Variants in ATG16L1 observed in about 807,000 individuals in gnomAD.
ATG16L1 encodes autophagy-related protein 16-1.
A neutral mutation model predicts 88.5 loss-of-function variants in ATG16L1; 37 were observed. The ratio of observed to expected loss-of-function variants is 0.42; its 90% CI spans 0.32 to 0.55. ATG16L1 has a LOEUF of 0.55. ATG16L1 is among the 20% of genes least tolerant of loss of function. The pLI is 0.13. For missense variants in ATG16L1, 554 were observed against 752.8 expected, an observed-to-expected ratio of 0.74 and a Z score of 3.09; for synonymous variants, 301 against 281.0, an observed-to-expected ratio of 1.07 and a Z score of -0.71.
Position 233,273,793 on chromosome 2 carries a change from T to A in ATG16L1, c.851+16T>A, listed in dbSNP as rs1241400542. On this transcript the variant is annotated intron_variant, in intron 8 of 17. Coordinates refer to ENST00000392017, the MANE Select transcript of ATG16L1 (RefSeq NM_030803.7). ...ATATCTTTGGGTAGGTTAGAAGACC[T>A]TTCCTTTTTAAATGTGTATAAGTAT... 6.2e-7 allele frequency: 1 copy of A among 1,612,316 alleles called. No individual in the cohort carries two copies. The highest frequency in any genetic ancestry group is 2.2e-5 in the East Asian group (1 of 44,898).
intron 5 of ATG16L1, 24 bp from the exon 6 acceptor site, chr2:233,269,978 C>A: frequency 6.8e-7 from 1 of 1,471,794 alleles, no homozygotes; most frequent in Admixed American, 2.4e-5. Flanking sequence ...AAATGGTGGG[C>A]TTTTTTTTTT....
At chr2:233,282,596 A>G (rs1698791202) in intron 11 of ATG16L1, 86 bp from the exon 12 acceptor site, 6 of 1,202,900 alleles carry the variant, frequency 5.0e-6, no homozygotes, top group Admixed American at 1.7e-5. Context: ...ACCTTCTTGT[A>G]CTTGATTATT....
chr2:233,274,641 T>G, intron 8 of ATG16L1, 35 bp from the exon 9 acceptor site: 1 of 1,533,138 alleles, frequency 6.5e-7, no homozygotes, highest in Non-Finnish European at 9.0e-7. Flanking sequence ...ACCTCTGCAA[T>G]CCTGTCTAAT....
intron 14 of ATG16L1, among the ~76,000 whole-genome samples, chr2:233,291,526 G>A (rs1699458893): frequency 6.6e-6 from 1 of 152,170 alleles, no homozygotes; most frequent in Non-Finnish European, 1.5e-5. Context: ...TCACAGAACA[G>A]GTCAGCACCC....
intron 12 of ATG16L1, among the ~76,000 whole-genome samples, chr2:233,286,890 G>A (rs184462357): frequency 2.0e-4 from 30 of 152,050 alleles, no homozygotes; most frequent in Middle Eastern, 3.4e-3. Context: ...CTCCCAAAGT[G>A]CTGGGATTAC....
At chr2:233,290,660 G>T (rs190837296) in intron 14 of ATG16L1, among the ~76,000 whole-genome samples, 9 of 152,274 alleles carry the variant, frequency 5.9e-5, no homozygotes, top group African/African-American at 2.2e-4. Flanking sequence ...GCAAAAGTCA[G>T]TGACTAGTGT....
chr2:233,290,199 A>G, intron 13 of ATG16L1, 49 bp from the exon 14 acceptor site: 1 of 1,581,454 alleles, frequency 6.3e-7, no homozygotes, highest in Non-Finnish European at 8.7e-7. Flanking sequence ...TTATGTAAAC[A>G]GCCACGTTGG....
chr2:233,284,305 G>T (rs1005385643), intron 12 of ATG16L1, among the ~76,000 whole-genome samples: 4 of 151,576 alleles, frequency 2.6e-5, no homozygotes, highest in African/African-American at 9.7e-5. Context: ...CCTCCACCAC[G>T]CCCGGCTAAT....
intron 16 of ATG16L1, 114 bp downstream of exon 16, chr2:233,292,548 A>C: frequency 1.5e-6 from 2 of 1,307,214 alleles, no homozygotes; most frequent in South Asian, 2.5e-5. Context: ...CTATGTTTCC[A>C]GGAGTGTGCC....
At position 233,270,151 on chromosome 2, in the gene ATG16L1, G is replaced by C; in HGVS notation, c.707+84G>C. 2.2e-6 allele frequency: 3 copies of C among 1,342,368 alleles called. No homozygotes were observed. The East Asian group carries it at 7.6e-5, about 34-fold the overall frequency. The allele number at this position is 1,342,368 out of a possible 1,614,324, so 83.2% of individuals were successfully genotyped here. On this transcript the variant is annotated intron_variant, in intron 6 of 17. Transcript: ENST00000392017. ...TTTGTTTTTATTTTTTTTTTTGTTT[G>C]GTTTTTTTTGAGACAGGGTCTTGCT...
intron 2 of ATG16L1, among the ~76,000 whole-genome samples, chr2:233,257,820 G>A (rs1459832019): frequency 2.0e-5 from 3 of 151,970 alleles, no homozygotes; most frequent in African/African-American, 7.3e-5. Flanking sequence ...GCCTGGCCCT[G>A]ATGGTGAAAC....
chr2:233,286,621 CTTTTTTTT>C (rs10676895), intron 12 of ATG16L1, among the ~76,000 whole-genome samples: 2 of 93,290 alleles, frequency 2.1e-5, no homozygotes, highest in Non-Finnish European at 4.0e-5. Flanking sequence ...GAAGCCCAAA[CTTTTTTTT>C]TTTTTTTTTT....
At chr2:233,259,202 G>C (rs1005975806) in intron 2 of ATG16L1, among the ~76,000 whole-genome samples, 7 of 152,172 alleles carry the variant, frequency 4.6e-5, no homozygotes, top group African/African-American at 1.7e-4. Flanking sequence ...GTGGTCTAAA[G>C]TGTGGGAAGA....
chr2:233,252,548 A>G (rs1696451959), intron 1 of ATG16L1, among the ~76,000 whole-genome samples: 1 of 151,926 alleles, frequency 6.6e-6, no homozygotes. Flanking sequence ...ACGGTCGGCT[A>G]ATTTTTTTAA....
intron 2 of ATG16L1, among the ~76,000 whole-genome samples, chr2:233,258,159 C>CT (rs1696949725): frequency 2.6e-5 from 4 of 151,848 alleles, no homozygotes; most frequent in African/African-American, 9.7e-5. Context: ...TATTTGAAGT[C>CT]TTATTATCCT....
chr2:233,273,447 G>A, intron 7 of ATG16L1: 1 of 522,456 alleles, frequency 1.9e-6, no homozygotes. Context: ...TAGTTAGCCA[G>A]GAATTGTGAG....
chr2:233,267,360 G>A (rs1315040047), intron 5 of ATG16L1, among the ~76,000 whole-genome samples: 1 of 152,192 alleles, frequency 6.6e-6, no homozygotes, highest in Middle Eastern at 3.4e-3. Context: ...AAAGCAAAAC[G>A]AAAAGAATAC....
At position 233,294,360 on chromosome 2, in the gene ATG16L1, C is replaced by T. The variant is rs761543490; in HGVS notation, c.*10C>T. Reference sequence around the variant, plus strand: ...GTGGGCACAGTACTGACGGGGCTCTCAGGGCTGGGAGGACCCCAGTGCCCT... The same window carrying T: ...GTGGGCACAGTACTGACGGGGCTCTTAGGGCTGGGAGGACCCCAGTGCCCT... On this transcript the variant is annotated 3_prime_UTR_variant, in exon 18 of 18. Transcript: ENST00000392017. 6.8e-6 allele frequency: 11 copies of T among 1,611,898 alleles called. No homozygotes were observed. The East Asian group carries it at 2.2e-4, about 33-fold the overall frequency.
chr2:233,253,831 A>C (rs1417123912), intron 1 of ATG16L1, among the ~76,000 whole-genome samples: 1 of 152,244 alleles, frequency 6.6e-6, no homozygotes, highest in Non-Finnish European at 1.5e-5. Flanking sequence ...CCAGAAGCAC[A>C]AGAAGTCCCT....
Sources: allele counts gnomAD v4.1 joint callset (sites outside exome capture counted in the v4.1 genomes callset), GRCh38; gene constraint gnomAD v4.1.1; transcripts MANE v1.5; gene names NCBI Gene and HGNC (gene_info 2026-07-23, HGNC 2026-07-21).